The following NKTR variants were observed in gnomAD, a reference collection of about 807,000 sequenced individuals.
The protein encoded by NKTR is natural killer cell triggering receptor.
In NKTR, 67 loss-of-function variants were observed where a neutral mutation model predicts 156.3. The observed-to-expected ratio is 0.43, with a 90% CI of 0.35 to 0.53. The LOEUF (loss-of-function observed/expected upper bound fraction) is 0.53, where lower values mean the gene tolerates loss of function less well. Among genes scored for constraint, NKTR ranks in the 20% least tolerant of loss-of-function variants. The pLI is 0.01. For synonymous variants in NKTR, 640 were observed against 596.6 expected, an observed-to-expected ratio of 1.07 and a Z score of -1.06; for missense variants, 1,604 against 1,730.9, an observed-to-expected ratio of 0.93 and a Z score of 1.30.
chr3:42,604,772 TCTGCCTTC>T (rs1706060733), intron 2 of NKTR, among the ~76,000 whole-genome samples: 1 of 139,664 alleles, frequency 7.2e-6, no homozygotes, highest in Admixed American at 7.8e-5. Flanking sequence ...CACCACACCC[TCTGCCTTC>T]CTGGTTCAAG....
chr3:42,621,380 A>G, intron 5 of NKTR, 49 bp from the exon 6 acceptor site: 1 of 1,578,250 alleles, frequency 6.3e-7, no homozygotes, highest in South Asian at 1.2e-5. Context: ...ACATTACTTT[A>G]AAGTGACTTA....
chr3:42,616,806 A>G (rs1397543741), intron 2 of NKTR, among the ~76,000 whole-genome samples: 1 of 152,182 alleles, frequency 6.6e-6, no homozygotes, highest in African/African-American at 2.4e-5. Flanking sequence ...CAGTGGCACA[A>G]TCAAAGCTCA....
At chr3:42,620,110 AT>A (rs1707768390) in intron 5 of NKTR, 4 of 1,519,806 alleles carry the variant, frequency 2.6e-6, no homozygotes, top group Non-Finnish European at 2.6e-6. Context: ...TAATAAATTT[AT>A]GGACAGTCTG....
Position 42,637,600 on chromosome 3 carries a change from A to C in NKTR, c.1896A>C (p.Arg632=). 29 of 1,609,990 alleles carry C rather than the reference A, an allele frequency of 1.8e-5. No homozygotes were observed. Among genetic ancestry groups the C allele is most frequent in the Non-Finnish European group, 2.5e-5 (29 of 1,178,914 alleles). Residue 632 remains arginine, a synonymous_variant, in exon 13 of 17, where the codon CGA becomes CGC. Transcript: ENST00000232978. ...GQKPWKPSYE[R]IQEMKAKTTH... Reference sequence around the variant, plus strand: ...AACCTTGGAAGCCCTCTTATGAGCGAATTCAGGAAATGAAAGCTAAAACAA... The same window carrying C: ...AACCTTGGAAGCCCTCTTATGAGCGCATTCAGGAAATGAAAGCTAAAACAA...
chr3:42,639,684 A>G lies in NKTR; in HGVS notation c.3980A>G (p.His1327Arg), dbSNP rs1709710746. 1.2e-6 allele frequency: 2 copies of G among 1,613,862 alleles called. No homozygotes were observed. Among genetic ancestry groups the G allele is most frequent in the African/African-American group, 1.3e-5 (1 of 74,918 alleles). ...AGTAAATCTGAAACCAAATCAAGAC[A>G]CAGAACAAGGTCTGTCTCCTATAGT... ...SRSKSETKSR[H>R]RTRSVSYSHS... Residue 1327 changes from histidine to arginine, a missense_variant, in exon 13 of 17, where the codon CAC (histidine) becomes CGC (arginine). Coordinates refer to ENST00000232978, the MANE Select transcript of NKTR (RefSeq NM_005385.4).
At position 42,631,288 on chromosome 3, in the gene NKTR, A is replaced by C. The variant is rs1708872636; in HGVS notation, c.522A>C (p.Gly174=). ...CAGATGTGCGAGTTATTGACTGTGGAGTACTTGCCACAAAATCAATAAAAG... is the reference window on the plus strand; with the variant it reads ...CAGATGTGCGAGTTATTGACTGTGGCGTACTTGCCACAAAATCAATAAAAG... ...PYADVRVIDC[G]VLATKSIKDV... is the part of the protein sequence containing the mutation. Residue 174 remains glycine, a synonymous_variant, in exon 8 of 17, where the codon GGA becomes GGC. Coordinates refer to ENST00000232978, the MANE Select transcript of NKTR (RefSeq NM_005385.4). 1 of 1,613,632 alleles carries C rather than the reference A, an allele frequency of 6.2e-7. No homozygotes were observed. The highest frequency in any genetic ancestry group is 8.5e-7 in the Non-Finnish European group (1 of 1,179,690).
chr3:42,628,573 C>G (rs1708604147), intron 6 of NKTR: 1 of 985,302 alleles, frequency 1.0e-6, no homozygotes, highest in African/African-American at 1.7e-5. Flanking sequence ...TTCCCCAATA[C>G]TGCAGGATCT....
intron 12 of NKTR, among the ~76,000 whole-genome samples, chr3:42,635,701 C>T (rs766377431): frequency 1.8e-4 from 28 of 151,602 alleles, no homozygotes; most frequent in South Asian, 4.2e-4. Flanking sequence ...AGGCGGATCA[C>T]GAGGTCAGGA....
At chr3:42,627,373 AT>A in intron 6 of NKTR, 2 of 985,232 alleles carry the variant, frequency 2.0e-6, no homozygotes, top group Non-Finnish European at 2.4e-6. Context: ...AGTGCATTTT[AT>A]TTTTCATGGT....
At chr3:42,628,010 G>T in intron 6 of NKTR, 1 of 985,274 alleles carries the variant, frequency 1.0e-6, no homozygotes, top group Non-Finnish European at 1.2e-6. Flanking sequence ...ACCCTCTTTG[G>T]CTAATGTCCT....
At chr3:42,622,303 T>C (rs1311469230) in intron 6 of NKTR, among the ~76,000 whole-genome samples, 2 of 152,108 alleles carry the variant, frequency 1.3e-5, no homozygotes, top group African/African-American at 2.4e-5. Flanking sequence ...TTATCATAAT[T>C]CTATCATATA....
intron 13 of NKTR, among the ~76,000 whole-genome samples, chr3:42,641,217 C>T (rs954817623): frequency 7.9e-5 from 12 of 152,168 alleles, no homozygotes; most frequent in Non-Finnish European, 1.2e-4. Flanking sequence ...TGTTACTCAT[C>T]GTTCAGTCAC....
chr3:42,629,419 G>A, intron 6 of NKTR: 1 of 938,310 alleles, frequency 1.1e-6, no homozygotes, highest in Non-Finnish European at 1.3e-6. Flanking sequence ...TATTCTTAAT[G>A]TAAGTATAAG....
At position 42,625,178 on chromosome 3, in the gene NKTR, A is replaced by G. The variant is rs536968221; in HGVS notation, c.374+3662A>G. ...TTCATTAGTCTGAAAAATGTCTTAA[A>G]GAAGTATTGGGCTCATCTTAAATCA... On this transcript the variant is annotated intron_variant, in intron 6 of 16. Coordinates refer to ENST00000232978, the MANE Select transcript of NKTR (RefSeq NM_005385.4). Among the ~76,000 whole-genome samples, 7 of 152,284 alleles carry G rather than the reference A, an allele frequency of 4.6e-5. No individual in the cohort carries two copies. The South Asian group carries it at 1.4e-3, about 32-fold the overall frequency.
At position 42,633,279 on chromosome 3, in the gene NKTR, C is replaced by T. The variant is rs149398482; in HGVS notation, c.774-301C>T. On this transcript the variant is annotated intron_variant, in intron 9 of 16. Transcript: ENST00000232978. ...CTGGTCTCTGACTCCTGTCCTCAAG[C>T]AATCCTCCCACCTAAGACCCCTAAA... is the stretch of plus-strand genomic sequence containing the variant. 463 of 838,376 alleles carry T rather than the reference C, an allele frequency of 5.5e-4. No homozygotes were observed. The African/African-American group carries it at 5.7e-3, about 10-fold the overall frequency. 51.9% of individuals were successfully genotyped at this position (838,376 alleles called of 1,614,324 possible).
intron 3 of NKTR, among the ~76,000 whole-genome samples, chr3:42,618,452 T>G (rs1434730026): frequency 2.0e-5 from 3 of 152,088 alleles, no homozygotes; most frequent in Non-Finnish European, 4.4e-5. Context: ...TGTTATTTAT[T>G]TATTTGGGAC....
chr3:42,629,024 T>A, intron 6 of NKTR: 1 of 835,080 alleles, frequency 1.2e-6, no homozygotes, highest in Non-Finnish European at 1.4e-6. Flanking sequence ...CAAATAAAAA[T>A]AAAAGCACTC....
Position 42,639,148 on chromosome 3 carries a change from A to C in NKTR, c.3444A>C (p.Leu1148=). 6.2e-7 allele frequency: 1 copy of C among 1,614,190 alleles called. No homozygotes were observed. The highest frequency in any genetic ancestry group is 1.1e-5 in the South Asian group (1 of 91,084). ...CAAAAGTAGAGGAGACTTCCCCTCT[A>C]GGAAATGCACGGCTTGATACCCCAG... ...SPAKVEETSP[L]GNARLDTPDI... Residue 1148 remains leucine, a synonymous_variant, in exon 13 of 17, where the codon CTA becomes CTC. Transcript: ENST00000232978.
intron 13 of NKTR, among the ~76,000 whole-genome samples, chr3:42,641,715 T>TAAAAATAC (rs1443066184): frequency 1.3e-5 from 2 of 151,952 alleles, no homozygotes; most frequent in Non-Finnish European, 2.9e-5. Flanking sequence ...CTGTCTCTAC[T>TAAAAATAC]AAAAATACAA....
Sources: gnomAD v4.1 joint callset for allele counts (sites outside exome capture counted in the v4.1 genomes callset) on GRCh38, gnomAD v4.1.1 for gene constraint, MANE v1.5 for transcripts, NCBI Gene and HGNC (gene_info 2026-07-23, HGNC 2026-07-21) for gene names.